Variants in SLC30A2 observed in about 807,000 individuals in gnomAD.
The protein encoded by SLC30A2 is solute carrier family 30 member 2.
Under a neutral mutation model 39.6 loss-of-function variants are expected in SLC30A2, and 19 were observed. That is an observed-to-expected ratio of 0.48 (90% CI 0.34 to 0.70). SLC30A2 has a LOEUF of 0.70. Ranked by LOEUF, SLC30A2 falls within the 30% of genes least tolerant of loss-of-function variation. The probability of loss-of-function intolerance (pLI) is 0.01; values close to 1 mark genes in which losing one functional copy is unlikely to be tolerated. For synonymous variants in SLC30A2, 195 were observed against 194.8 expected (o/e 1.00, Z -0.01); for missense variants, 387 against 479.4 (o/e 0.81, Z 1.80).
In SLC30A2 at chr1:26,039,613, G is replaced by C. The variant is rs572737677; in HGVS notation, c.973+164C>G. Among the ~76,000 whole-genome samples the C allele has an allele frequency of 6.6e-6, 1 of 152,374 alleles. No homozygotes were observed. The highest frequency in any genetic ancestry group is 2.4e-5 in the African/African-American group (1 of 41,588). On this transcript the variant is annotated intron_variant, in intron 7 of 7. Coordinates refer to ENST00000374276, the MANE Select transcript of SLC30A2 (RefSeq NM_001004434.3). This position sits in a 1 kb window ranked among gnomAD's most constrained non-coding sequence, Gnocchi z 4.3. ...CCTCAGTTTCTTCATGGATAAATGA[G>C]ATTGTGCTGATCAGATGGAATAATG... is the stretch of plus-strand genomic sequence containing the variant.
At position 26,045,150 on chromosome 1, in the gene SLC30A2, A is replaced by G. The variant is rs1432497876; in HGVS notation, c.118T>C (p.Leu40=). Residue 40 remains leucine (L), a synonymous_variant, in exon 2 of 8, where the codon TTG becomes CTG. Transcript: ENST00000374276. ...TGGGCAGCCAGCTCAATGGCCTGCA[A>G]GTCCAGGCCAGGTCGGGGCAGAGGA... is the stretch of plus-strand genomic sequence containing the variant. The part of the protein sequence containing the change: ...WIPLPRPGLD[L]QAIELAAQSN... The G allele has an allele frequency of 1.2e-6, 2 of 1,613,754 alleles. No homozygotes were observed. Among genetic ancestry groups the G allele is most frequent in the Non-Finnish European group, 1.7e-6 (2 of 1,180,024 alleles).
At chr1:26,041,520 G>A (rs1288822324) in intron 6 of SLC30A2, among the ~76,000 whole-genome samples, 180 bp downstream of exon 6, 1 of 152,180 alleles carries the variant, frequency 6.6e-6, no homozygotes, top group African/African-American at 2.4e-5. Flanking sequence ...ACACCTGAAA[G>A]CCCAGGCTCT....
rs1362190857 is a variant in SLC30A2 at position 26,042,602 on chromosome 1, CG to C, written c.678del (p.Asp227ThrfsTer9). 18 of 1,614,006 alleles carry C rather than the reference CG, an allele frequency of 1.1e-5. No individual in the cohort carries two copies. Among genetic ancestry groups the C allele is most frequent in the Non-Finnish European group, 1.5e-5 (18 of 1,180,020 alleles). ...SVRAAFIHVI[G>X]DFMQSMGVLV... ...AGGACACCCATGCTCTGCATAAAGTCGCCGATCACATGGATGAAGGCAGCTC... is the reference window on the plus strand; with the variant it reads ...AGGACACCCATGCTCTGCATAAAGTCCCGATCACATGGATGAAGGCAGCTC... On this transcript the variant is annotated frameshift_variant, in exon 5 of 8. Transcript: ENST00000374276. LOFTEE classifies it high-confidence loss of function.
At chr1:26,042,440 C>T in intron 5 of SLC30A2, 109 bp downstream of exon 5, 1 of 1,001,054 alleles carries the variant, frequency 1.0e-6, no homozygotes, top group South Asian at 1.6e-5. Flanking sequence ...CCACCCTTTT[C>T]CCTAGAACTG....
At chr1:26,045,712 C>G in intron 1 of SLC30A2, 135 bp downstream of exon 1, 1 of 1,425,746 alleles carries the variant, frequency 7.0e-7, no homozygotes, top group Non-Finnish European at 9.6e-7. Flanking sequence ...TATCTTCGTT[C>G]CCTCACCTCA....
In SLC30A2 at chr1:26,044,371, G is replaced by A. The variant is rs772634637; in HGVS notation, c.345C>T (p.Leu115=). The A allele has an allele frequency of 3.1e-6, 5 of 1,613,944 alleles. No homozygotes were observed. Among genetic ancestry groups the A allele is most frequent in the Admixed American group, 1.7e-5 (1 of 59,996 alleles). The change falls in exon 3 of 8, where the codon CTC becomes CTT. Residue 115 remains leucine, a synonymous_variant. Transcript: ENST00000374276. ...AHLLTDFASM[L]ISLFSLWMSS... ...ACATCCAGAGGGAGAAGAGGCTGAT[G>A]AGCATGCTGGCAAAGTCAGTGAGCA...
In SLC30A2 at chr1:26,038,872, G is replaced by C. The variant is rs1032371083; in HGVS notation, c.*288C>G. The stretch of plus-strand genomic sequence containing the variant: ...TGGCTCACCACCTTTGCCCCTGCGA[G>C]TGGTAGAACATTTGCTGAGGATTAG... On this transcript the variant is annotated 3_prime_UTR_variant, in exon 8 of 8. Transcript: ENST00000374276. The C allele has an allele frequency of 7.6e-5, 50 of 656,382 alleles. No individual in the cohort carries two copies. Among genetic ancestry groups the C allele is most frequent in the Non-Finnish European group, 9.6e-5 (47 of 487,938 alleles). The allele number at this position is 656,382 out of a possible 1,614,324, so 40.7% of individuals were successfully genotyped here. A position where few individuals can be genotyped will look rare whatever the true frequency, so the allele number is the denominator to read the frequency against.
intron 2 of SLC30A2, 139 bp from the exon 3 acceptor site, chr1:26,044,583 A>C: frequency 6.5e-6 from 5 of 769,258 alleles, no homozygotes; most frequent in Non-Finnish European, 1.0e-5. Context: ...CCACCGTGAC[A>C]AGTGACCTAC....
intron 3 of SLC30A2, among the ~76,000 whole-genome samples, 166 bp from the exon 4 acceptor site, chr1:26,043,717 C>T (rs1262740048): frequency 6.6e-6 from 1 of 152,128 alleles, no homozygotes; most frequent in Non-Finnish European, 1.5e-5. Flanking sequence ...CCTTACCCCA[C>T]CCCTCATATA....
At chr1:26,044,519 C>T in intron 2 of SLC30A2, 75 bp from the exon 3 acceptor site, 1 of 1,447,862 alleles carries the variant, frequency 6.9e-7, no homozygotes, top group Non-Finnish European at 9.4e-7. Context: ...AGGGAGACCA[C>T]AGGCTCTGGA....
rs145406127 is a variant in SLC30A2 at position 26,039,260 on chromosome 1, C to T, written c.1019G>A (p.Arg340His). ...GTGGAAGTGGAACTTCCCTTGGAGG[C>T]GGCTGCTGGCTGTCTTCAGCACAGC... The part of the protein sequence containing the change: ...AQAVLKTASS[R>H]LQGKFHFHTV... The change falls in exon 8 of 8, where the codon CGC (arginine) becomes CAC (histidine). Residue 340 changes from arginine to histidine, a missense_variant. By Grantham distance (29) the Arg-to-His change is conservative (BLOSUM62 0). Coordinates refer to ENST00000374276, the MANE Select transcript of SLC30A2 (RefSeq NM_001004434.3). This position sits in a 1 kb window ranked among gnomAD's most constrained non-coding sequence, Gnocchi z 4.3. 7.9e-4 allele frequency: 1,276 copies of T among 1,614,070 alleles called. 1 individual carries two copies. The highest frequency in any genetic ancestry group is 1.0e-3 in the Admixed American group (62 of 60,012).
Position 26,039,830 on chromosome 1 carries a change from T to C in SLC30A2, c.920A>G (p.His307Arg), listed in dbSNP as rs771701593. ...CTGGGCCACCGTCAGTGCCCAGATA[T>C]GCAGGCTGTGCAGGGCTTCTACCCC... ...VEGVEALHSL[H>R]IWALTVAQPV... Residue 307 changes from histidine (H) to arginine (R), a missense_variant, in exon 7 of 8, where the codon CAT becomes CGT. His to Arg is a conservative substitution (Grantham distance 29). Coordinates refer to ENST00000374276, the MANE Select transcript of SLC30A2 (RefSeq NM_001004434.3). This position sits in a 1 kb window ranked among gnomAD's most constrained non-coding sequence, Gnocchi z 4.3. 1.1e-5 allele frequency: 17 copies of C among 1,614,032 alleles called. No homozygotes were observed. The Admixed American group carries it at 1.8e-4, about 17-fold the overall frequency.
chr1:26,043,659 G>T, intron 3 of SLC30A2, 108 bp from the exon 4 acceptor site: 2 of 1,216,034 alleles, frequency 1.6e-6, no homozygotes, highest in African/African-American at 1.5e-5. Flanking sequence ...CAAAGTCAGG[G>T]CCTGGGTCCC....
chr1:26,043,837 T>C (rs1469651999), intron 3 of SLC30A2, among the ~76,000 whole-genome samples: 1 of 152,212 alleles, frequency 6.6e-6, no homozygotes, highest in Non-Finnish European at 1.5e-5. Context: ...TTTGTTCAGC[T>C]AGTAAACTGA....
In SLC30A2 at chr1:26,045,958, G is replaced by A; in HGVS notation, c.-62C>T. On this transcript the variant is annotated 5_prime_UTR_variant, in exon 1 of 8. Transcript: ENST00000374276. ...CCCCGCCGAGTGCGCCCTGAAAGTT[G>A]CGCGCGGGACTCCGGGTGGCGCTCA... 1 of 1,597,216 alleles carries A rather than the reference G, an allele frequency of 6.3e-7. No homozygotes were observed. The highest frequency in any genetic ancestry group is 2.2e-5 in the East Asian group (1 of 44,462).
chr1:26,043,793 A>C (rs1246849163), intron 3 of SLC30A2, among the ~76,000 whole-genome samples: 1 of 152,152 alleles, frequency 6.6e-6, no homozygotes, highest in Non-Finnish European at 1.5e-5. Flanking sequence ...TTGGTTGTAC[A>C]TGTAAAGAAG....
chr1:26,042,416 T>A, intron 5 of SLC30A2, 133 bp downstream of exon 5: 1 of 792,796 alleles, frequency 1.3e-6, no homozygotes, highest in African/African-American at 1.7e-5. Context: ...TGGATAAATG[T>A]TCCTTTCCTC....
Position 26,045,567 on chromosome 1 carries a change from C to A in SLC30A2, c.50+280G>T. 2 of 623,112 alleles carry A rather than the reference C, an allele frequency of 3.2e-6. 1 individual carries two copies. The highest frequency in any genetic ancestry group is 8.8e-4 in the Middle Eastern group (2 of 2,278). 38.6% of individuals were successfully genotyped at this position (623,112 alleles called of 1,614,324 possible). A position where few individuals can be genotyped will look rare whatever the true frequency, so the allele number is the denominator to read the frequency against. ...CAGGGCCTCCCCGGGGCGGGGCTGCCTGGGGCAAAGTGCTGGGCGGGGCGG... is the reference window on the plus strand; with the variant it reads ...CAGGGCCTCCCCGGGGCGGGGCTGCATGGGGCAAAGTGCTGGGCGGGGCGG... On this transcript the variant is annotated intron_variant, in intron 1 of 7. Coordinates refer to ENST00000374276, the MANE Select transcript of SLC30A2 (RefSeq NM_001004434.3).
At chr1:26,045,464 C>A in intron 1 of SLC30A2, 1 of 596,270 alleles carries the variant, frequency 1.7e-6, no homozygotes, top group Non-Finnish European at 3.0e-6. Flanking sequence ...AAGGGGCGTG[C>A]TGTCCAGTGG....
Sources: gnomAD v4.1 joint callset for allele counts (sites outside exome capture counted in the v4.1 genomes callset) on GRCh38, gnomAD v4.1.1 for gene constraint, Gnocchi (gnomAD v3.1) non-coding constraint, MANE v1.5 for transcripts, NCBI Gene and HGNC (gene_info 2026-07-23, HGNC 2026-07-21) for gene names.